Variants in ZNF582 observed in about 807,000 individuals in gnomAD.
ZNF582 encodes zinc finger protein 582.
In ZNF582, 14 loss-of-function variants were observed where a neutral mutation model predicts 12.3. The observed-to-expected ratio is 1.14, with a 90% CI of 0.75 to 1.78. The LOEUF (loss-of-function observed/expected upper bound fraction) is 1.78. ZNF582 is among the 40% of genes most tolerant of loss of function. ZNF582 has a pLI of 0.00. For missense variants in ZNF582, 567 were observed against 616.5 expected (o/e 0.92, Z 0.85); for synonymous variants, 210 against 207.2 (o/e 1.01, Z -0.11).
chr19:56,392,032 C>T (rs1285199127), intron 1 of ZNF582, among the ~76,000 whole-genome samples, 200 bp from the exon 2 acceptor site: 1 of 152,180 alleles, frequency 6.6e-6, no homozygotes, highest in Non-Finnish European at 1.5e-5. Flanking sequence ...CTTTCCCTCC[C>T]ATTTCCCCTA....
At chr19:56,392,452 C>T (rs1263676605) in intron 1 of ZNF582, among the ~76,000 whole-genome samples, 1 of 152,210 alleles carries the variant, frequency 6.6e-6, no homozygotes, top group African/African-American at 2.4e-5. Flanking sequence ...ATAAATGTGT[C>T]CTTCCATAGA....
At chr19:56,390,375 C>G (rs764588865) in exon 3 of ZNF582, 1 of 1,614,132 alleles carries the variant, frequency 6.2e-7, no homozygotes, top group South Asian at 1.1e-5. Flanking sequence ...ATCACCTTAC[C>G]CAGTGAGACC....
chr19:56,392,758 A>G (rs1401413052), intron 1 of ZNF582, among the ~76,000 whole-genome samples: 1 of 152,248 alleles, frequency 6.6e-6, no homozygotes, highest in Non-Finnish European at 1.5e-5. Context: ...AAGTATTCGC[A>G]GTGTTGTCAT....
intron 1 of ZNF582, among the ~76,000 whole-genome samples, 186 bp from the exon 2 acceptor site, chr19:56,392,018 G>A (rs1283177987): frequency 6.6e-6 from 1 of 152,114 alleles, no homozygotes; most frequent in African/African-American, 2.4e-5. Flanking sequence ...GGGAACCAGT[G>A]GTCCTTTCCC....
In ZNF582 at chr19:56,390,309, C is replaced by G. The variant is rs962467376; in HGVS notation, c.136+66G>C. The G allele has an allele frequency of 1.9e-6, 3 of 1,608,016 alleles. No homozygotes were observed. In the African/African-American group the frequency reaches 4.0e-5, roughly 22 times the overall value. Reference sequence around the variant, plus strand: ...ACCAATCATAAGACTGAAAAGCACCCAAAAACTGACCAGGAAGGAACATGC... The same window carrying G: ...ACCAATCATAAGACTGAAAAGCACCGAAAAACTGACCAGGAAGGAACATGC... On this transcript the variant is annotated intron_variant, in intron 3 of 4. Transcript: ENST00000586929.
chr19:56,388,702 G>T (rs753730479), intron 4 of ZNF582, among the ~76,000 whole-genome samples: 1 of 151,952 alleles, frequency 6.6e-6, no homozygotes, highest in Non-Finnish European at 1.5e-5. Context: ...GTTCGATCTC[G>T]GATCACTGCA....
chr19:56,390,069 A>T (rs372873446), exon 4 of ZNF582: 6 of 1,613,656 alleles, frequency 3.7e-6, no homozygotes, highest in Non-Finnish European at 5.1e-6. Flanking sequence ...TAGGAAGGAG[A>T]TCACATCAGG....
chr19:56,384,752 G>C, exon 5 of ZNF582: 1 of 1,602,532 alleles, frequency 6.2e-7, no homozygotes, highest in Non-Finnish European at 8.5e-7. Flanking sequence ...TTTCTTACCA[G>C]AATGAATATT....
At chr19:56,384,893 T>C in exon 5 of ZNF582, 1 of 1,613,490 alleles carries the variant, frequency 6.2e-7, no homozygotes, top group South Asian at 1.1e-5. Flanking sequence ...TTTTCTACAT[T>C]TATTATACCC....
exon 5 of ZNF582, chr19:56,383,854 A>T: frequency 6.5e-7 from 1 of 1,529,036 alleles, no homozygotes; most frequent in South Asian, 1.3e-5. Context: ...AGTCACAGTC[A>T]CAATTAGCCT....
intron 4 of ZNF582, chr19:56,386,212 C>T (rs937323153): frequency 1.3e-5 from 2 of 152,182 alleles, no homozygotes; most frequent in Non-Finnish European, 2.9e-5. Flanking sequence ...GAGAATGAAC[C>T]AGAGGAATAT....
intron 4 of ZNF582, chr19:56,386,598 T>C (rs2041967918): frequency 6.6e-6 from 1 of 152,268 alleles, no homozygotes; most frequent in African/African-American, 2.4e-5. Context: ...TTCTACCTGG[T>C]ACATTATTTC....
chr19:56,387,564 T>C (rs1392210869), intron 4 of ZNF582: 1 of 152,234 alleles, frequency 6.6e-6, no homozygotes, highest in Non-Finnish European at 1.5e-5. Flanking sequence ...ACAAACGTTC[T>C]ATATAAAGTT....
chr19:56,387,267 C>G (rs993709852), intron 4 of ZNF582: 1 of 152,156 alleles, frequency 6.6e-6, no homozygotes, highest in Admixed American at 6.5e-5. Flanking sequence ...TCAACAGAAC[C>G]AGTATTCCTA....
At chr19:56,387,133 A>G (rs952748142) in intron 4 of ZNF582, among the ~76,000 whole-genome samples, 2 of 152,180 alleles carry the variant, frequency 1.3e-5, no homozygotes. Flanking sequence ...TGAGTGCTGT[A>G]TTTTGTGCAG....
At chr19:56,390,624 T>C in intron 2 of ZNF582, 123 bp from the exon 3 acceptor site, 1 of 992,500 alleles carries the variant, frequency 1.0e-6, no homozygotes, top group Non-Finnish European at 1.5e-6. Context: ...TGGGACTGAA[T>C]GTGAAAGGTG....
exon 5 of ZNF582, chr19:56,383,784 G>C (rs933845725): frequency 6.9e-7 from 1 of 1,457,386 alleles, no homozygotes; most frequent in East Asian, 2.4e-5. Flanking sequence ...GCTTACCTCT[G>C]AATGAAGGCA....
chr19:56,391,352 T>C (rs1380450549), intron 2 of ZNF582, among the ~76,000 whole-genome samples: 3 of 152,180 alleles, frequency 2.0e-5, no homozygotes, highest in Non-Finnish European at 4.4e-5. Flanking sequence ...CAATTACATA[T>C]CCAATCATTA....
intron 4 of ZNF582, chr19:56,387,593 C>G (rs2041977861): frequency 6.6e-6 from 1 of 152,088 alleles, no homozygotes; most frequent in Non-Finnish European, 1.5e-5. Flanking sequence ...AAGTATTTCT[C>G]TTTCTCTTTC....
Sources: allele counts gnomAD v4.1 joint callset (sites outside exome capture counted in the v4.1 genomes callset), GRCh38; gene constraint gnomAD v4.1.1; transcripts MANE v1.5; gene names NCBI Gene and HGNC (gene_info 2026-07-23, HGNC 2026-07-21).